NFATC2: variants seen among roughly 807,000 people sequenced by gnomAD.
NFATC2 encodes the protein nuclear factor of activated T cells 2.
In NFATC2, 22 loss-of-function variants were observed where a neutral mutation model predicts 87.3. The observed-to-expected ratio is 0.25, with a 90% CI of 0.18 to 0.36. The LOEUF is 0.36. NFATC2 is among the 10% of genes least tolerant of loss of function. The pLI, the probability that NFATC2 is intolerant of heterozygous loss-of-function variation, is 1.00. For synonymous variants in NFATC2, 565 were observed against 542.2 expected (o/e 1.04, Z -0.58); for missense variants, 1,149 against 1,259.1 (o/e 0.91, Z 1.32).
At chr20:51,460,993 G>C (rs915620136) in intron 5 of NFATC2, among the ~76,000 whole-genome samples, 12 of 152,338 alleles carry the variant, frequency 7.9e-5, no homozygotes, top group African/African-American at 2.9e-4. Flanking sequence ...GTTTGCTTAA[G>C]AGCCAAGTTC....
chr20:51,437,053 A>G (rs1168694608), intron 6 of NFATC2, among the ~76,000 whole-genome samples: 2 of 151,772 alleles, frequency 1.3e-5, no homozygotes, highest in African/African-American at 4.8e-5. Context: ...TTTGCTCAGT[A>G]AACTCTCCTG....
intron 6 of NFATC2, among the ~76,000 whole-genome samples, chr20:51,448,814 G>C (rs1745790776): frequency 1.3e-5 from 2 of 152,178 alleles, no homozygotes; most frequent in Non-Finnish European, 2.9e-5. Context: ...GCTGAGGTCA[G>C]AGCCAGATCA....
At chr20:51,414,732 G>A (rs1287692141) in intron 9 of NFATC2, among the ~76,000 whole-genome samples, 2 of 151,766 alleles carry the variant, frequency 1.3e-5, no homozygotes, top group African/African-American at 2.4e-5. Context: ...ATTTCCAGGC[G>A]GTGGTTAAGG....
intron 2 of NFATC2, among the ~76,000 whole-genome samples, chr20:51,517,591 T>G (rs113823832): frequency 7.6e-5 from 11 of 144,962 alleles, no homozygotes; most frequent in African/African-American, 1.8e-4. Context: ...AGACCCTGTC[T>G]CAAAAAAAAA....
intron 1 of NFATC2, among the ~76,000 whole-genome samples, chr20:51,528,527 C>G (rs185921684): frequency 2.5e-4 from 38 of 152,274 alleles, no homozygotes; most frequent in Admixed American, 4.6e-4. Context: ...CACACACAGA[C>G]AGATGTACAC....
Position 51,391,112 on chromosome 20 carries a change from A to C in NFATC2, c.*384T>G, listed in dbSNP as rs1986265596. The C allele has an allele frequency of 3.5e-6, 2 of 566,002 alleles. No individual in the cohort carries two copies. Among genetic ancestry groups the C allele is most frequent in the South Asian group, 3.5e-5 (2 of 57,576 alleles). 35.1% of individuals were successfully genotyped at this position (566,002 alleles called of 1,614,324 possible). ...AGAGTTCCAGTGTCCTGTCTCATGT[A>C]GAATGTGCTTTTGGTCAGCAGGTGC... On this transcript the variant is annotated 3_prime_UTR_variant, in exon 11 of 11. Coordinates refer to ENST00000371564, the MANE Select transcript of NFATC2 (RefSeq NM_012340.5).
In NFATC2 at chr20:51,459,348, C is replaced by G. The variant is rs778543852; in HGVS notation, c.1709-4660G>C. Among the ~76,000 whole-genome samples, 4 of 152,240 alleles carry G rather than the reference C, an allele frequency of 2.6e-5. No individual in the cohort carries two copies. In the East Asian group the frequency reaches 7.7e-4, roughly 29 times the overall value. On this transcript the variant is annotated intron_variant, in intron 5 of 10. Transcript: ENST00000371564. ...TCCCATTTATATCAATCGGCCAGAA[C>G]AGGCAAACGCAGAGAGACGGAGAGC...
chr20:51,493,496 T>C (rs938413548), intron 3 of NFATC2, among the ~76,000 whole-genome samples: 4 of 152,162 alleles, frequency 2.6e-5, no homozygotes, highest in East Asian at 1.9e-4. Flanking sequence ...AGAGGGAATG[T>C]CCCAGACTGA....
chr20:51,394,858 T>C (rs1986830060), intron 10 of NFATC2, among the ~76,000 whole-genome samples: 2 of 151,044 alleles, frequency 1.3e-5, no homozygotes, highest in African/African-American at 5.0e-5. Flanking sequence ...CCACGTGCAG[T>C]GTTCTGCCTC....
At chr20:51,521,798 A>C (rs1306945780) in intron 2 of NFATC2, among the ~76,000 whole-genome samples, 1 of 152,252 alleles carries the variant, frequency 6.6e-6, no homozygotes, top group African/African-American at 2.4e-5. Flanking sequence ...CATTTCATCA[A>C]AATGAAGATA....
In NFATC2 at chr20:51,480,500, C is replaced by G. The variant is rs1289642823; in HGVS notation, c.1333-4840G>C. On this transcript the variant is annotated intron_variant, in intron 3 of 10. Transcript: ENST00000371564. The surrounding 1 kb of genome is among the most constrained non-coding windows in gnomAD (Gnocchi z 4.2). ...CAGCCTCTGGGTTGAGCTGGGCTGG[C>G]TTATACAATGTGAGCAGATAGAATC... is the stretch of plus-strand genomic sequence containing the variant. Among the ~76,000 whole-genome samples, 1 of 152,174 alleles carries G rather than the reference C, an allele frequency of 6.6e-6. No homozygotes were observed. Among genetic ancestry groups the G allele is most frequent in the African/African-American group, 2.4e-5 (1 of 41,424 alleles).
chr20:51,532,228 A>G (rs1243742882), intron 1 of NFATC2, among the ~76,000 whole-genome samples: 4 of 152,166 alleles, frequency 2.6e-5, no homozygotes, highest in African/African-American at 9.7e-5. Context: ...ATAGGGGGAA[A>G]ATGAGGCTCA....
intron 1 of NFATC2, among the ~76,000 whole-genome samples, chr20:51,550,652 G>A (rs1276074332): frequency 3.9e-5 from 6 of 151,998 alleles, no homozygotes; most frequent in Non-Finnish European, 7.4e-5. Flanking sequence ...TTAACCCACT[G>A]AACACCATAG....
chr20:51,538,781 G>A (rs1029499343), intron 1 of NFATC2, among the ~76,000 whole-genome samples: 2 of 152,174 alleles, frequency 1.3e-5, no homozygotes, highest in Non-Finnish European at 2.9e-5. Context: ...GGCAGGTAAC[G>A]GTCCTATGAG....
chr20:51,395,386 CCT>C lies in NFATC2; in HGVS notation c.*44+3255_*44+3256del, dbSNP rs1986913817. 2.0e-5 allele frequency among the ~76,000 whole-genome samples: 3 copies of C among 149,382 alleles called. No homozygotes were observed. In the South Asian group the frequency reaches 6.2e-4, roughly 31 times the overall value. On this transcript the variant is annotated intron_variant, in intron 10 of 10. Transcript: ENST00000371564. ...CTCTTTCTTTTGGGGATCCCAGAATCCTCTGTGTCATTTGCGTGAAGTCAGGG... is the reference window on the plus strand; with the variant it reads ...CTCTTTCTTTTGGGGATCCCAGAATCCTGTGTCATTTGCGTGAAGTCAGGG...
intron 9 of NFATC2, among the ~76,000 whole-genome samples, chr20:51,431,808 G>C (rs549837011): frequency 2.0e-5 from 3 of 152,048 alleles, no homozygotes; most frequent in African/African-American, 7.2e-5. Flanking sequence ...GCCCTCATTT[G>C]CTTTTTCTAT....
intron 9 of NFATC2, among the ~76,000 whole-genome samples, chr20:51,411,294 A>G (rs947018649): frequency 3.3e-5 from 5 of 152,132 alleles, no homozygotes; most frequent in Non-Finnish European, 7.3e-5. Context: ...TTCATTTAAT[A>G]GTAAAGACAG....
intron 1 of NFATC2, among the ~76,000 whole-genome samples, chr20:51,531,531 C>T (rs1219474722): frequency 2.0e-5 from 3 of 152,204 alleles, no homozygotes; most frequent in Non-Finnish European, 4.4e-5. Flanking sequence ...CCCCACCAAG[C>T]AAGAGCTCTA....
chr20:51,562,787 G>C, upstream of NFATC2: 1 of 610,704 alleles, frequency 1.6e-6, no homozygotes, highest in Non-Finnish European at 2.8e-6. The surrounding 1 kb of genome is among the most constrained non-coding windows in gnomAD (Gnocchi z 5.8). Flanking sequence ...CCCGGCTCCC[G>C]GCTCGGCGGA....
Sources: gnomAD v4.1 joint callset for allele counts (sites outside exome capture counted in the v4.1 genomes callset) on GRCh38, gnomAD v4.1.1 for gene constraint, Gnocchi (gnomAD v3.1) non-coding constraint, MANE v1.5 for transcripts, NCBI Gene and HGNC (gene_info 2026-07-23, HGNC 2026-07-21) for gene names.